The following OTUD7A variants were observed in gnomAD, a reference collection of about 807,000 sequenced individuals.
OTUD7A encodes OTU domain-containing protein 7A.
OTUD7A carries 12 observed loss-of-function variants against 65.7 expected under a neutral mutation model. The observed-to-expected ratio is 0.18, with a 90% CI of 0.12 to 0.30. OTUD7A has a LOEUF of 0.30. Ranked by LOEUF, OTUD7A falls within the 10% of genes least tolerant of loss-of-function variation. The pLI is 1.00. For synonymous variants in OTUD7A, 641 were observed against 586.3 expected (o/e 1.09, Z -1.35); for missense variants, 1,148 against 1,304.8 (o/e 0.88, Z 1.85).
chr15:31,712,360 G>A (rs1337788946), intron 1 of OTUD7A, among the ~76,000 whole-genome samples: 1 of 150,070 alleles, frequency 6.7e-6, no homozygotes, highest in Non-Finnish European at 1.5e-5. Flanking sequence ...CTCGGGCTTG[G>A]GGTCCGGCCA....
chr15:31,479,450 T>C lies in OTUD7A; in HGVS notation c.*3844A>G, dbSNP rs2041080212. The stretch of plus-strand genomic sequence containing the variant: ...AAAGGAGCCCCAAACATACAGTAGA[T>C]GCCTTCAGCTTTTACTCCAGGTCTC... On this transcript the variant is annotated 3_prime_UTR_variant, in exon 13 of 13. Transcript: ENST00000307050. The C allele has an allele frequency of 1.3e-5, 2 of 152,242 alleles. No individual in the cohort carries two copies. Among genetic ancestry groups the C allele is most frequent in the Admixed American group, 6.5e-5 (1 of 15,290 alleles). The allele number at this position is 152,242 out of a possible 1,614,324, so 9.4% of individuals were successfully genotyped here. A position where few individuals can be genotyped will look rare whatever the true frequency, so the allele number is the denominator to read the frequency against.
intron 1 of OTUD7A, among the ~76,000 whole-genome samples, chr15:31,756,667 C>G (rs924632545): frequency 2.7e-5 from 3 of 111,378 alleles, no homozygotes; most frequent in Non-Finnish European, 6.7e-5. Context: ...CACACACACA[C>G]ACACACACAC....
chr15:31,867,433 C>T (rs1897906366), intron 1 of OTUD7A, among the ~76,000 whole-genome samples: 1 of 152,168 alleles, frequency 6.6e-6, no homozygotes, highest in Non-Finnish European at 1.5e-5. Flanking sequence ...CCCCTTCCCT[C>T]CTCCACCAGG....
intron 1 of OTUD7A, among the ~76,000 whole-genome samples, chr15:31,702,300 T>C (rs1307521238): frequency 2.5e-5 from 3 of 119,936 alleles, no homozygotes; most frequent in Non-Finnish European, 5.0e-5. Context: ...AGGAAATGAA[T>C]GGCATGTATA....
intron 1 of OTUD7A, among the ~76,000 whole-genome samples, chr15:31,837,220 T>C (rs1188979692): frequency 6.6e-6 from 1 of 152,102 alleles, no homozygotes; most frequent in African/African-American, 2.4e-5. Flanking sequence ...AACAATATGA[T>C]TCATGATCAC....
intron 8 of OTUD7A, among the ~76,000 whole-genome samples, chr15:31,506,022 G>A (rs1343064757): frequency 1.3e-5 from 2 of 151,992 alleles, no homozygotes; most frequent in African/African-American, 4.8e-5. Flanking sequence ...ACAGACGTGA[G>A]CCACCATGCC....
chr15:31,507,634 TGG>T (rs60691059), intron 8 of OTUD7A, among the ~76,000 whole-genome samples: 2,236 of 69,462 alleles, frequency 0.032, 79 homozygotes, highest in African/African-American at 0.14. Context: ...CGCTGCTGGC[TGG>T]GGGGCGGGGG....
At chr15:31,524,144 T>TC (rs2141114920) in intron 8 of OTUD7A, among the ~76,000 whole-genome samples, 1 of 152,174 alleles carries the variant, frequency 6.6e-6, no homozygotes, top group African/African-American at 2.4e-5. Context: ...TTTTTTGTTT[T>TC]TTTTTTTCCC....
chr15:31,761,581 A>T (rs769749274), intron 1 of OTUD7A, among the ~76,000 whole-genome samples: 2 of 152,228 alleles, frequency 1.3e-5, no homozygotes, highest in Admixed American at 1.3e-4. Flanking sequence ...GTAGGAACAT[A>T]AAATGATACA....
chr15:31,492,459 A>G (rs1462490232), intron 10 of OTUD7A, among the ~76,000 whole-genome samples: 3 of 151,946 alleles, frequency 2.0e-5, no homozygotes, highest in African/African-American at 7.3e-5. Flanking sequence ...TGTGCCTGTA[A>G]TCCAGCTACT....
intron 5 of OTUD7A, among the ~76,000 whole-genome samples, chr15:31,548,581 T>G (rs755236193): frequency 1.3e-4 from 19 of 151,952 alleles, no homozygotes; most frequent in Non-Finnish European, 2.2e-4. Flanking sequence ...GCCTGTTCTG[T>G]AAAATGAAGA....
chr15:31,518,698 A>C (rs954488152), intron 8 of OTUD7A, among the ~76,000 whole-genome samples: 5 of 152,232 alleles, frequency 3.3e-5, no homozygotes, highest in African/African-American at 1.2e-4. Context: ...CCTCATGCAC[A>C]GATCTCATGG....
At chr15:31,501,662 C>A (rs373924634) in intron 10 of OTUD7A, 28 bp downstream of exon 10, 31 of 1,613,742 alleles carry the variant, frequency 1.9e-5, no homozygotes, top group Non-Finnish European at 2.5e-5. Flanking sequence ...TAGGCTCCTG[C>A]GTGCACTCTC....
Position 31,479,562 on chromosome 15 carries a change from T to G in OTUD7A, c.*3732A>C, listed in dbSNP as rs2041082723. 1 of 151,574 alleles carries G rather than the reference T, an allele frequency of 6.6e-6. No individual in the cohort carries two copies. The highest frequency in any genetic ancestry group is 6.6e-5 in the Admixed American group (1 of 15,058). 9.4% of individuals were successfully genotyped at this position (151,574 alleles called of 1,614,324 possible). A position where few individuals can be genotyped will look rare whatever the true frequency, so the allele number is the denominator to read the frequency against. ...TTTTCTTGTACAAATTTCCCACCAC[T>G]GATAAGTACAGCCCTTTTATCTTAA... On this transcript the variant is annotated 3_prime_UTR_variant, in exon 13 of 13. Coordinates refer to ENST00000307050, the MANE Select transcript of OTUD7A (RefSeq NM_001382637.1).
chr15:31,665,503 A>G (rs915626734), intron 1 of OTUD7A, among the ~76,000 whole-genome samples: 3 of 152,208 alleles, frequency 2.0e-5, no homozygotes, highest in African/African-American at 7.2e-5. Flanking sequence ...ATTTGTGTAC[A>G]TTAATCTTGT....
At chr15:31,848,009 CAT>C (rs1417606055) in intron 1 of OTUD7A, among the ~76,000 whole-genome samples, 1 of 152,216 alleles carries the variant, frequency 6.6e-6, no homozygotes, top group East Asian at 1.9e-4. Flanking sequence ...ACACCTTCAA[CAT>C]GTGCAGATTA....
rs551213774 is a variant in OTUD7A, at chr15:31,740,766, C to T, written c.-99-83689G>A. On this transcript the variant is annotated intron_variant, in intron 1 of 12. Coordinates refer to ENST00000307050, the MANE Select transcript of OTUD7A (RefSeq NM_001382637.1). ...CAAAGTAATAAATTGGCAGACTGAACGCAAGATTCAACTATATGCTGTTTA... is the reference window on the plus strand; with the variant it reads ...CAAAGTAATAAATTGGCAGACTGAATGCAAGATTCAACTATATGCTGTTTA... Among the ~76,000 whole-genome samples, 9 of 152,158 alleles carry T rather than the reference C, an allele frequency of 5.9e-5. No individual in the cohort carries two copies. In the South Asian group the frequency reaches 8.3e-4, roughly 14 times the overall value.
chr15:31,719,537 G>T (rs1284408663), intron 1 of OTUD7A, among the ~76,000 whole-genome samples: 2 of 152,124 alleles, frequency 1.3e-5, no homozygotes, highest in African/African-American at 4.8e-5. Context: ...AATTTGAAGA[G>T]ACAGCCCTCC....
chr15:31,653,489 T>A (rs1200153231), intron 3 of OTUD7A, among the ~76,000 whole-genome samples: 1 of 151,292 alleles, frequency 6.6e-6, no homozygotes, highest in Non-Finnish European at 1.5e-5. Flanking sequence ...TCTCCCTGCA[T>A]GAAAAGGAGC....
Sources: allele counts gnomAD v4.1 joint callset (sites outside exome capture counted in the v4.1 genomes callset), GRCh38; gene constraint gnomAD v4.1.1; transcripts MANE v1.5; gene names NCBI Gene and HGNC (gene_info 2026-07-23, HGNC 2026-07-21).